Variants in CIC observed in about 807,000 individuals in gnomAD.
CIC encodes capicua transcriptional repressor, also known as protein capicua homolog.
CIC carries 18 observed loss-of-function variants against 115.7 expected under a neutral mutation model. The observed-to-expected ratio is 0.16, with a 90% CI of 0.11 to 0.23. The LOEUF is 0.23. Among genes scored for constraint, CIC ranks in the 10% least tolerant of loss-of-function variants. CIC has a pLI of 1.00. For missense variants in CIC, 2,000 were observed against 2,159.3 expected (o/e 0.93, Z 1.46); for synonymous variants, 1,076 against 923.0 (o/e 1.17, Z -3.01).
In CIC at chr19:42,273,923, C is replaced by T; in HGVS notation, c.2140C>T (p.Arg714Trp). Residue 714 changes from arginine to tryptophan, a missense_variant, in exon 2 of 21, where the codon CGG becomes TGG. By Grantham distance (101) the Arg-to-Trp change is moderately radical (BLOSUM62 -3). Transcript: ENST00000681038. Reference protein sequence around the residue: ...TFTVPISPGRRKTELLPHPGA... With the variant: ...TFTVPISPGRWKTELLPHPGA... ...CACCGTGCCCATCAGCCCTGGGCGA[C>T]GGAAGACAGAGCTGTTGCCGCATCC... 2 of 398,512 alleles carry T rather than the reference C, an allele frequency of 5.0e-6. No individual in the cohort carries two copies. Among genetic ancestry groups the T allele is most frequent in the Admixed American group, 4.4e-5 (1 of 22,732 alleles). The allele number at this position is 398,512 out of a possible 1,614,324, so 24.7% of individuals were successfully genotyped here. A position where few individuals can be genotyped will look rare whatever the true frequency, so the allele number is the denominator to read the frequency against.
intron 2 of CIC, among the ~76,000 whole-genome samples, chr19:42,277,046 T>C (rs1386672273): frequency 2.0e-5 from 3 of 152,170 alleles, no homozygotes; most frequent in East Asian, 1.9e-4. Context: ...GCAGTAATAA[T>C]AACTCACCGA....
chr19:42,286,980 C>A (rs1460599605), intron 3 of CIC, 26 bp from the exon 4 acceptor site: 3 of 1,608,210 alleles, frequency 1.9e-6, no homozygotes, highest in Non-Finnish European at 2.5e-6. Flanking sequence ...GCCTAGGAGC[C>A]CTCTGATCTA....
At position 42,290,521 on chromosome 19, in the gene CIC, T is replaced by C; in HGVS notation, c.4480T>C (p.Ser1494Pro). The change falls in exon 11 of 21, where the codon TCC becomes CCC. Residue 1494 changes from serine (S) to proline (P), a missense_variant. Around this residue, in one of 8 missense-constraint regions of CIC, gnomAD observed 1,466 missense variants for 1,390.4 expected, o/e 1.05. Transcript: ENST00000681038. ...PPGAGGPATP[S>P]KATRFLPMDP... is the part of the protein sequence containing the mutation. ...TGGGGCTGGGGGTCCAGCGACACCT[T>C]CCAAGGCAACCCGGTTCCTCCCAAT... 1 of 1,613,158 alleles carries C rather than the reference T, an allele frequency of 6.2e-7. No homozygotes were observed. The highest frequency in any genetic ancestry group is 1.1e-5 in the South Asian group (1 of 91,044).
chr19:42,290,057 G>A (rs2037961437), intron 10 of CIC, 106 bp downstream of exon 10: 6 of 1,386,236 alleles, frequency 4.3e-6, no homozygotes, highest in Non-Finnish European at 6.1e-6. Flanking sequence ...TCCAGAGAGG[G>A]CAAGCTGCTT....
chr19:42,287,519 C>G lies in CIC; in HGVS notation c.3310-26C>G, dbSNP rs1213112700. 2 of 1,612,686 alleles carry G rather than the reference C, an allele frequency of 1.2e-6. No individual in the cohort carries two copies. Among genetic ancestry groups the G allele is most frequent in the African/African-American group, 1.3e-5 (1 of 75,050 alleles). Reference sequence around the variant, plus strand: ...CACCTGTCTGCCAGGTCCTAACTGTCCCGCTCTGGGCTGTGTTTAATGCAG... The same window carrying G: ...CACCTGTCTGCCAGGTCCTAACTGTGCCGCTCTGGGCTGTGTTTAATGCAG... On this transcript the variant is annotated intron_variant, in intron 5 of 20. Transcript: ENST00000681038. This position sits in a 1 kb window ranked among gnomAD's most constrained non-coding sequence, Gnocchi z 8.7.
At chr19:42,283,130 G>A (rs2037340603) in intron 2 of CIC, among the ~76,000 whole-genome samples, 2 of 152,188 alleles carry the variant, frequency 1.3e-5, no homozygotes, top group Admixed American at 6.5e-5. Flanking sequence ...GTGTCTGTGA[G>A]AGCTGAGTGT....
At position 42,273,428 on chromosome 19, in the gene CIC, G is replaced by A. The variant is rs937878551; in HGVS notation, c.1645G>A (p.Val549Met). ...GPGGAGRPAA[V>M]AAREGSTEFD... ...TGGCGGGGCGGGCCGGCCCGCGGCC[G>A]TGGCAGCCCGTGAGGGCAGCACGGA... The change falls in exon 2 of 21, where the codon GTG becomes ATG. Residue 549 changes from valine to methionine, a missense_variant. This residue lies in a region of CIC where 222 missense variants were observed against 247.7 expected (regional missense o/e 0.90). Coordinates refer to ENST00000681038, the MANE Select transcript of CIC (RefSeq NM_001386298.1). 1.5e-5 allele frequency: 6 copies of A among 398,438 alleles called. No homozygotes were observed. Among genetic ancestry groups the A allele is most frequent in the Middle Eastern group, 6.3e-4 (1 of 1,590 alleles). 24.7% of individuals were successfully genotyped at this position (398,438 alleles called of 1,614,324 possible).
chr19:42,291,038 C>T lies in CIC; in HGVS notation c.4997C>T (p.Pro1666Leu), dbSNP rs1488973320. ...GPLLGTVGKAPATVTNLLVGT... is the reference protein window; with the variant it reads ...GPLLGTVGKALATVTNLLVGT... ...CTGCTGGGCACTGTGGGGAAGGCGC[C>T]TGCCACTGTCACTAACCTACTGGTG... is the stretch of plus-strand genomic sequence containing the variant. The change falls in exon 11 of 21, where the codon CCT (proline) becomes CTT (leucine). Residue 1666 changes from proline to leucine, a missense_variant. By Grantham distance (98) the Pro-to-Leu change is moderately conservative. Transcript: ENST00000681038. 6.2e-7 allele frequency: 1 copy of T among 1,613,806 alleles called. No individual in the cohort carries two copies. Among genetic ancestry groups the T allele is most frequent in the Non-Finnish European group, 8.5e-7 (1 of 1,179,984 alleles).
chr19:42,277,342 G>A (rs934579986), intron 2 of CIC, among the ~76,000 whole-genome samples: 4 of 152,158 alleles, frequency 2.6e-5, no homozygotes, highest in Non-Finnish European at 4.4e-5. Context: ...CGATTCTCCC[G>A]CCTCAGCCTC....
intron 9 of CIC, 54 bp from the exon 10 acceptor site, chr19:42,289,794 C>T (rs1256588098): frequency 7.0e-7 from 1 of 1,419,956 alleles, no homozygotes. Context: ...ACTGTTTCTC[C>T]TGGGTCCCCC....
chr19:42,291,477 G>A lies in CIC; in HGVS notation c.5425+11G>A. 1.2e-6 allele frequency: 2 copies of A among 1,613,116 alleles called. No individual in the cohort carries two copies. Among genetic ancestry groups the A allele is most frequent in the Non-Finnish European group, 1.7e-6 (2 of 1,179,990 alleles). On this transcript the variant is annotated intron_variant, in intron 11 of 20. Coordinates refer to ENST00000681038, the MANE Select transcript of CIC (RefSeq NM_001386298.1). ...CCCCACCCCCCAAAGGTGAGACCTG[G>A]GCCGGGCAGCACTAGGGGAGGGGCC...
intron 2 of CIC, among the ~76,000 whole-genome samples, chr19:42,275,377 G>A (rs928000197): frequency 6.6e-6 from 1 of 152,236 alleles, no homozygotes; most frequent in Non-Finnish European, 1.5e-5. Context: ...CTGAGGACAG[G>A]GCGTGTAAGC....
At chr19:42,293,387 C>A (rs549669970) in intron 16 of CIC, 106 bp downstream of exon 16, 10 of 1,379,246 alleles carry the variant, frequency 7.3e-6, no homozygotes, top group African/African-American at 2.9e-5. Context: ...GTGTGTCTCT[C>A]AGGTTAAAGG....
Position 42,287,102 on chromosome 19 carries a change from G to C in CIC, c.3041G>C (p.Ser1014Thr). ...CCCCCTGGAGCCACATGCCCTGAGAGCCCAGGACCCGGACCCCCACACCCT... is the reference window on the plus strand; with the variant it reads ...CCCCCTGGAGCCACATGCCCTGAGACCCCAGGACCCGGACCCCCACACCCT... ...ERPPGATCPE[S>T]PGPGPPHPLG... is the part of the protein sequence containing the mutation. Residue 1014 changes from serine to threonine, a missense_variant, in exon 4 of 21, where the codon AGC becomes ACC. Transcript: ENST00000681038. This position sits in a 1 kb window ranked among gnomAD's most constrained non-coding sequence, Gnocchi z 8.7. 1 of 1,613,446 alleles carries C rather than the reference G, an allele frequency of 6.2e-7. No individual in the cohort carries two copies. Among genetic ancestry groups the C allele is most frequent in the Non-Finnish European group, 8.5e-7 (1 of 1,179,978 alleles).
chr19:42,294,228 C>T lies in CIC; in HGVS notation c.6978C>T (p.Arg2326=). The T allele has an allele frequency of 6.2e-7, 1 of 1,613,826 alleles. No homozygotes were observed. Among genetic ancestry groups the T allele is most frequent in the Non-Finnish European group, 8.5e-7 (1 of 1,180,022 alleles). ...PTSPKRKMRR[R]SSCSSEPNTP... Reference sequence around the variant, plus strand: ...CGCCCAAGCGCAAGATGAGAAGACGCTCCAGCTGCAGCTCGGAGCCCAACA... The same window carrying T: ...CGCCCAAGCGCAAGATGAGAAGACGTTCCAGCTGCAGCTCGGAGCCCAACA... Residue 2326 remains arginine, a synonymous_variant, in exon 19 of 21, where the codon CGC becomes CGT. Transcript: ENST00000681038.
chr19:42,293,818 C>T lies in CIC; in HGVS notation c.6749C>T (p.Thr2250Ile), dbSNP rs1202522244. 3.1e-6 allele frequency: 5 copies of T among 1,612,554 alleles called. No homozygotes were observed. Among genetic ancestry groups the T allele is most frequent in the African/African-American group, 2.7e-5 (2 of 74,928 alleles). ...VKVRPPPLKK[T>I]FDSVDNRVLS... ...GTGCGGCCCCCGCCCCTGAAGAAGA[C>T]CTTTGACTCTGTGGACAAGTGAGCA... is the stretch of plus-strand genomic sequence containing the variant. The change falls in exon 17 of 21, where the codon ACC becomes ATC. Residue 2250 changes from threonine to isoleucine, a missense_variant. By Grantham distance (89) the Thr-to-Ile change is moderately conservative. Coordinates refer to ENST00000681038, the MANE Select transcript of CIC (RefSeq NM_001386298.1).
intron 1 of CIC, among the ~76,000 whole-genome samples, chr19:42,269,751 G>T (rs2036699876): frequency 7.1e-6 from 1 of 141,314 alleles, no homozygotes; most frequent in Middle Eastern, 3.5e-3. Flanking sequence ...AAATGGGGGT[G>T]ACAAGGAGGG....
Position 42,292,687 on chromosome 19 carries a change from C to A in CIC, c.6024C>A (p.Ser2008Arg), listed in dbSNP as rs2038225303. The part of the protein sequence containing the change: ...GPVITAFYSG[S>R]PAPTSSAPLA... ...TCATAACAGCATTTTACTCTGGCAGCCCTGCACCCACCTCCTCAGCACCCC... is the reference window on the plus strand; with the variant it reads ...TCATAACAGCATTTTACTCTGGCAGACCTGCACCCACCTCCTCAGCACCCC... Residue 2008 changes from serine to arginine, a missense_variant, in exon 15 of 21, where the codon AGC (serine) becomes AGA (arginine). This residue lies in a region of CIC where 1,466 missense variants were observed against 1,390.4 expected (regional missense o/e 1.05). Coordinates refer to ENST00000681038, the MANE Select transcript of CIC (RefSeq NM_001386298.1). 1 of 1,613,764 alleles carries A rather than the reference C, an allele frequency of 6.2e-7. No individual in the cohort carries two copies. The highest frequency in any genetic ancestry group is 1.7e-5 in the Admixed American group (1 of 60,010).
chr19:42,292,825 C>G lies in CIC; in HGVS notation c.6162C>G (p.Thr2054=), dbSNP rs1364547468. The change falls in exon 15 of 21, where the codon ACC becomes ACG. Residue 2054 remains threonine (T), a synonymous_variant. Coordinates refer to ENST00000681038, the MANE Select transcript of CIC (RefSeq NM_001386298.1). ...GCCCGCCAGCCCCTGCCACTGCCAC[C>G]CCAGCCCCGACTAGCCCTTTCCCCA... is the stretch of plus-strand genomic sequence containing the variant. ...PKGPPAPATA[T]PAPTSPFPSA... 23 of 1,613,782 alleles carry G rather than the reference C, an allele frequency of 1.4e-5. No homozygotes were observed. Among genetic ancestry groups the G allele is most frequent in the Non-Finnish European group, 1.8e-5 (21 of 1,180,022 alleles).
Sources: gnomAD v4.1 joint callset for allele counts (sites outside exome capture counted in the v4.1 genomes callset) on GRCh38, gnomAD v4.1.1 for gene constraint, gnomAD v4.1.1 regional missense constraint, Gnocchi (gnomAD v3.1) non-coding constraint, MANE v1.5 for transcripts, NCBI Gene and HGNC (gene_info 2026-07-23, HGNC 2026-07-21) for gene names.